PTPRA: variants seen among roughly 807,000 people sequenced by gnomAD.
PTPRA encodes protein tyrosine phosphatase receptor type A, also known as receptor-type tyrosine-protein phosphatase alpha.
Under a neutral mutation model 104.8 loss-of-function variants are expected in PTPRA, and 25 were observed. The ratio of observed to expected loss-of-function variants is 0.24; its 90% CI spans 0.17 to 0.33. The LOEUF (loss-of-function observed/expected upper bound fraction) is 0.33, where lower values mean the gene tolerates loss of function less well. PTPRA is among the 10% of genes least tolerant of loss of function. The pLI is 1.00. For synonymous variants in PTPRA, 323 were observed against 368.9 expected (o/e 0.88, Z 1.43); for missense variants, 765 against 1,015.3 (o/e 0.75, Z 3.35).
intron 2 of PTPRA, among the ~76,000 whole-genome samples, chr20:2,938,264 A>C (rs1437290169): frequency 6.6e-6 from 1 of 152,080 alleles, no homozygotes; most frequent in Non-Finnish European, 1.5e-5. Flanking sequence ...GGTTCACTAC[A>C]ACCTCCGCCT....
At chr20:2,914,663 A>G (rs1409763792) in intron 1 of PTPRA, among the ~76,000 whole-genome samples, 2 of 152,114 alleles carry the variant, frequency 1.3e-5, no homozygotes, top group East Asian at 3.9e-4. Context: ...TTTCCTTATC[A>G]GATCATGTGC....
rs781283657 is a variant in PTPRA, at chr20:2,988,086, C to T, written c.582C>T (p.Asn194=). The change falls in exon 8 of 24, where the codon AAC becomes AAT. Residue 194 remains asparagine, a synonymous_variant. Transcript: ENST00000399903. ...GSHSNSFRLS[N]GRTEDVEPQS... is the part of the protein sequence containing the mutation. ...ATTCCAATTCTTTCCGCTTATCCAA[C>T]GGCCGCACTGAGGATGTGGGTAAGG... The T allele has an allele frequency of 6.9e-6, 11 of 1,587,878 alleles. No homozygotes were observed. The East Asian group carries it at 8.9e-5, about 13-fold the overall frequency.
chr20:2,955,639 G>A, intron 3 of PTPRA: 1 of 985,336 alleles, frequency 1.0e-6, no homozygotes, highest in African/African-American at 1.7e-5. Context: ...AGTTTTTCAA[G>A]CTGATTTCTC....
chr20:3,029,736 C>T (rs1335274811), intron 20 of PTPRA, among the ~76,000 whole-genome samples: 1 of 151,922 alleles, frequency 6.6e-6, no homozygotes, highest in Non-Finnish European at 1.5e-5. Context: ...CCATGTTGGC[C>T]AGGCTTGTCT....
At chr20:2,975,288 G>A (rs764821759) in intron 6 of PTPRA, 47 bp downstream of exon 6, 29 of 1,489,396 alleles carry the variant, frequency 1.9e-5, no homozygotes, top group Middle Eastern at 1.7e-4. Flanking sequence ...ACAGTGTACA[G>A]TATTCATTTA....
At chr20:2,944,732 A>T (rs146856931) in intron 2 of PTPRA, among the ~76,000 whole-genome samples, 11 of 152,208 alleles carry the variant, frequency 7.2e-5, no homozygotes, top group African/African-American at 2.4e-4. Flanking sequence ...CAAACAGTCT[A>T]CCACAGTGTC....
intron 11 of PTPRA, among the ~76,000 whole-genome samples, chr20:3,011,249 A>G (rs887731472): frequency 1.3e-5 from 2 of 152,220 alleles, no homozygotes; most frequent in African/African-American, 4.8e-5. Flanking sequence ...AAGCAGGGAA[A>G]AACCTGTGGT....
At chr20:2,922,373 TC>T (rs1272079496) in intron 1 of PTPRA, among the ~76,000 whole-genome samples, 1 of 152,186 alleles carries the variant, frequency 6.6e-6, no homozygotes, top group Non-Finnish European at 1.5e-5. Context: ...GGAGTCTCAC[TC>T]TGTTGCCCAG....
intron 1 of PTPRA, among the ~76,000 whole-genome samples, chr20:2,882,067 G>A (rs2090084576): frequency 6.6e-6 from 1 of 151,950 alleles, no homozygotes; most frequent in South Asian, 2.1e-4. Flanking sequence ...ACCCCCAAAA[G>A]GCCCACTTAA....
chr20:3,029,943 C>G (rs965471541), intron 20 of PTPRA, among the ~76,000 whole-genome samples: 1 of 152,188 alleles, frequency 6.6e-6, no homozygotes, highest in African/African-American at 2.4e-5. Flanking sequence ...AAATGAGCCA[C>G]TGTGTTCTCA....
At position 2,950,257 on chromosome 20, in the gene PTPRA, C is replaced by T. The variant is rs1184948590; in HGVS notation, c.-7+2233C>T. On this transcript the variant is annotated intron_variant, in intron 3 of 23. Coordinates refer to ENST00000399903, the MANE Select transcript of PTPRA (RefSeq NM_001385305.1). The surrounding 1 kb of genome is among the most constrained non-coding windows in gnomAD (Gnocchi z 4.0). ...TTTATTCTTTTTCTAGAGATTCGTT[C>T]ATTTTTCTTAGTTTTATTTGCCTAT... Among the ~76,000 whole-genome samples the T allele has an allele frequency of 2.6e-5, 4 of 152,082 alleles. No homozygotes were observed. The highest frequency in any genetic ancestry group is 4.4e-5 in the Non-Finnish European group (3 of 68,012).
the PTPRA span, chr20:2,866,180 C>T: frequency 1.1e-5 from 18 of 1,603,948 alleles, no homozygotes; most frequent in Non-Finnish European, 1.5e-5. Context: ...TGTGCATTAC[C>T]TTCTCCCTCC....
intron 2 of PTPRA, among the ~76,000 whole-genome samples, chr20:2,927,343 G>A (rs2060338917): frequency 6.6e-6 from 1 of 152,166 alleles, no homozygotes; most frequent in Non-Finnish European, 1.5e-5. Flanking sequence ...AAGAAAAAGT[G>A]AATTCTCTCT....
rs370648518 is a variant in PTPRA at position 2,965,248 on chromosome 20, C to T, written c.415+46C>T. 13 of 1,485,446 alleles carry T rather than the reference C, an allele frequency of 8.8e-6. No homozygotes were observed. In the African/African-American group the frequency reaches 1.6e-4, roughly 18 times the overall value. The allele number at this position is 1,485,446 out of a possible 1,614,324, so 92.0% of individuals were successfully genotyped here. A position where few individuals can be genotyped will look rare whatever the true frequency, so the allele number is the denominator to read the frequency against. ...TGTTCTTTTGCTCTTTGAGTTTAGT[C>T]TTCCTTTTATTATCTTGTTTGTGTT... On this transcript the variant is annotated intron_variant, in intron 5 of 23. Coordinates refer to ENST00000399903, the MANE Select transcript of PTPRA (RefSeq NM_001385305.1).
At chr20:2,986,278 G>A (rs143745863) in intron 6 of PTPRA, among the ~76,000 whole-genome samples, 1 of 152,182 alleles carries the variant, frequency 6.6e-6, no homozygotes, top group African/African-American at 2.4e-5. Flanking sequence ...TAGGAAAACT[G>A]TCTTTTTCCC....
chr20:2,926,801 AT>A (rs1224183818), intron 2 of PTPRA, among the ~76,000 whole-genome samples: 34 of 63,434 alleles, frequency 5.4e-4, no homozygotes, highest in African/African-American at 1.9e-3. Context: ...TTTACTTTTT[AT>A]TTTTTTGAGA....
At chr20:2,910,639 C>T (rs1215432795) in intron 1 of PTPRA, among the ~76,000 whole-genome samples, 5 of 115,374 alleles carry the variant, frequency 4.3e-5, no homozygotes, top group African/African-American at 1.4e-4. Context: ...GACGGAGTCT[C>T]GCTGTCACCC....
intron 1 of PTPRA, among the ~76,000 whole-genome samples, chr20:2,904,073 A>G (rs1400460944): frequency 2.0e-5 from 3 of 151,822 alleles, no homozygotes; most frequent in African/African-American, 7.3e-5. Context: ...TGCCCAGCCA[A>G]TTTTTATTTA....
intron 5 of PTPRA, among the ~76,000 whole-genome samples, chr20:2,967,005 C>T (rs956174690): frequency 6.6e-6 from 1 of 152,180 alleles, no homozygotes; most frequent in Non-Finnish European, 1.5e-5. Flanking sequence ...GACTGAACAG[C>T]CCATGTTCTA....
Sources: gnomAD v4.1 joint callset for allele counts (sites outside exome capture counted in the v4.1 genomes callset) on GRCh38, gnomAD v4.1.1 for gene constraint, Gnocchi (gnomAD v3.1) non-coding constraint, MANE v1.5 for transcripts, NCBI Gene and HGNC (gene_info 2026-07-23, HGNC 2026-07-21) for gene names.